NCF4: variants seen among roughly 807,000 people sequenced by gnomAD.
NCF4 encodes neutrophil cytosolic factor 4, also known as neutrophil cytosol factor 4.
NCF4 carries 30 observed loss-of-function variants against 41.7 expected under a neutral mutation model. The ratio of observed to expected loss-of-function variants is 0.72; its 90% CI spans 0.54 to 0.97. The LOEUF (loss-of-function observed/expected upper bound fraction) is 0.97, where lower values mean the gene tolerates loss of function less well. Among genes scored for constraint, NCF4 ranks in the 50% least tolerant of loss-of-function variants. NCF4 has a pLI of 0.00. For missense variants in NCF4, 432 were observed against 460.9 expected, an observed-to-expected ratio of 0.94 and a Z score of 0.57; for synonymous variants, 195 against 175.8, an observed-to-expected ratio of 1.11 and a Z score of -0.87.
At chr22:36,873,816 C>T (rs530276859) in intron 7 of NCF4, among the ~76,000 whole-genome samples, 5 of 151,790 alleles carry the variant, frequency 3.3e-5, no homozygotes, top group Non-Finnish European at 7.4e-5. Flanking sequence ...TAAATTGCAC[C>T]AATCACATGG....
intron 7 of NCF4, 112 bp downstream of exon 7, chr22:36,872,537 G>A: frequency 3.4e-6 from 3 of 886,268 alleles, no homozygotes; most frequent in South Asian, 1.4e-5. Flanking sequence ...ATGAAGGTGA[G>A]GGTGGAGGTG....
chr22:36,867,563 G>T, intron 4 of NCF4, 101 bp downstream of exon 4: 1 of 1,263,552 alleles, frequency 7.9e-7, no homozygotes, highest in Non-Finnish European at 1.1e-6. Flanking sequence ...ACTGGGGCTG[G>T]CTCTCTGGCT....
intron 9 of NCF4, 47 bp downstream of exon 9, chr22:36,876,141 A>T (rs1287201473): frequency 6.6e-7 from 1 of 1,515,994 alleles, no homozygotes; most frequent in East Asian, 2.3e-5. Flanking sequence ...TCTGGAGAAG[A>T]GAGCGCAGGG....
At chr22:36,868,808 A>G (rs899935123) in intron 4 of NCF4, among the ~76,000 whole-genome samples, 5 of 152,150 alleles carry the variant, frequency 3.3e-5, no homozygotes, top group African/African-American at 1.2e-4. Flanking sequence ...TGGAAGCCAG[A>G]GATCATTCAG....
chr22:36,873,523 T>A (rs906719270), intron 7 of NCF4, among the ~76,000 whole-genome samples: 6 of 151,998 alleles, frequency 3.9e-5, no homozygotes, highest in African/African-American at 9.7e-5. Flanking sequence ...GCCCTGGAGA[T>A]CCAGGCAGGT....
rs558358885 is a variant in NCF4, at chr22:36,871,516, A to T, written c.471-136A>T. ...ACAAGTGTGCCCGCCCAGAGGAGCAATTGCAGCCACATTTCAGCATCTTCT... is the reference window on the plus strand; with the variant it reads ...ACAAGTGTGCCCGCCCAGAGGAGCATTTGCAGCCACATTTCAGCATCTTCT... On this transcript the variant is annotated intron_variant, in intron 5 of 9. Coordinates refer to ENST00000248899, the MANE Select transcript of NCF4 (RefSeq NM_000631.5). The T allele has an allele frequency of 5.9e-4, 574 of 971,108 alleles. 4 individuals are homozygous for T. In the South Asian group the frequency reaches 7.5e-3, roughly 13 times the overall value. 60.2% of individuals were successfully genotyped at this position (971,108 alleles called of 1,614,324 possible).
Position 36,865,184 on chromosome 22 carries a change from A to C in NCF4, c.271+112A>C. 1.4e-6 allele frequency: 2 copies of C among 1,472,564 alleles called. No homozygotes were observed. Among genetic ancestry groups the C allele is most frequent in the Non-Finnish European group, 1.8e-6 (2 of 1,082,446 alleles). 91.2% of individuals were successfully genotyped at this position (1,472,564 alleles called of 1,614,324 possible). On this transcript the variant is annotated intron_variant, in intron 3 of 9. Transcript: ENST00000248899. This position sits in a 1 kb window ranked among gnomAD's most constrained non-coding sequence, Gnocchi z 4.3. ...CAACCCCAGTGAAAACTGTTCATGT[A>C]GTTTATAGCCCCCACTCCCGGCAGT... is the stretch of plus-strand genomic sequence containing the variant.
intron 1 of NCF4, among the ~76,000 whole-genome samples, chr22:36,861,997 G>A (rs1939785073): frequency 6.6e-6 from 1 of 152,234 alleles, no homozygotes; most frequent in African/African-American, 2.4e-5. Flanking sequence ...GACTTACTCA[G>A]GGTCACAGAG....
chr22:36,868,570 G>A (rs1440005042), intron 4 of NCF4, among the ~76,000 whole-genome samples: 4 of 152,120 alleles, frequency 2.6e-5, no homozygotes, highest in Non-Finnish European at 4.4e-5. Flanking sequence ...GAAGAGGGAG[G>A]GAGGGGAGCT....
rs1601553731 is a variant in NCF4 at position 36,872,570 on chromosome 22, T to G, written c.627+145T>G. 4.0e-6 allele frequency: 3 copies of G among 744,652 alleles called. No individual in the cohort carries two copies. In the South Asian group the frequency reaches 4.4e-5, roughly 11 times the overall value. 46.1% of individuals were successfully genotyped at this position (744,652 alleles called of 1,614,324 possible). On this transcript the variant is annotated intron_variant, in intron 7 of 9. Transcript: ENST00000248899. Reference sequence around the variant, plus strand: ...GTGAGATTGGAGGTGAGGATGGAGGTAAGAGTGGAGGTGAGGATGGAGGTG... The same window carrying G: ...GTGAGATTGGAGGTGAGGATGGAGGGAAGAGTGGAGGTGAGGATGGAGGTG...
At position 36,877,989 on chromosome 22, in the gene NCF4, T is replaced by C. The variant is rs1486739374; in HGVS notation, c.*166T>C. On this transcript the variant is annotated 3_prime_UTR_variant, in exon 10 of 10. Transcript: ENST00000248899. ...CTCTTTCTACTATTTACATCTGATT[T>C]AAATAAACCATTCCATCTGAAAGGG... is the stretch of plus-strand genomic sequence containing the variant. The C allele has an allele frequency of 4.4e-6, 3 of 686,928 alleles. No individual in the cohort carries two copies. Among genetic ancestry groups the C allele is most frequent in the African/African-American group, 1.8e-5 (1 of 55,318 alleles). The allele number at this position is 686,928 out of a possible 1,614,324, so 42.6% of individuals were successfully genotyped here. A position where few individuals can be genotyped will look rare whatever the true frequency, so the allele number is the denominator to read the frequency against.
intron 3 of NCF4, among the ~76,000 whole-genome samples, chr22:36,867,137 G>GTGTGTT (rs748392297): frequency 2.6e-5 from 4 of 151,656 alleles, no homozygotes; most frequent in African/African-American, 7.3e-5. Context: ...GTGTGTGTGT[G>GTGTGTT]TGTGTGCGCT....
rs112273458 is a variant in NCF4, at chr22:36,869,440, C to A, written c.343-975C>A. Among the ~76,000 whole-genome samples, 9 of 152,318 alleles carry A rather than the reference C, an allele frequency of 5.9e-5. No individual in the cohort carries two copies. The South Asian group carries it at 8.3e-4, about 14-fold the overall frequency. The stretch of plus-strand genomic sequence containing the variant: ...CAGAGCTGGGATTCGATCCCAGGAG[C>A]CCCTGGCTCCTTAAACACCTCCCAG... On this transcript the variant is annotated intron_variant, in intron 4 of 9. Coordinates refer to ENST00000248899, the MANE Select transcript of NCF4 (RefSeq NM_000631.5).
chr22:36,864,740 G>T (rs1939881645), intron 2 of NCF4, among the ~76,000 whole-genome samples, 179 bp from the exon 3 acceptor site: 1 of 149,294 alleles, frequency 6.7e-6, no homozygotes, highest in Admixed American at 6.7e-5. Flanking sequence ...TTTTCGCAAA[G>T]CTCGTCTGCT....
chr22:36,873,272 G>A (rs1406723387), intron 7 of NCF4, among the ~76,000 whole-genome samples: 1 of 151,388 alleles, frequency 6.6e-6, no homozygotes, highest in Non-Finnish European at 1.5e-5. Flanking sequence ...GGTGAGGATG[G>A]GGGTGAGTTT....
At chr22:36,875,310 G>A (rs1325550816) in intron 7 of NCF4, among the ~76,000 whole-genome samples, 2 of 152,206 alleles carry the variant, frequency 1.3e-5, no homozygotes, top group Admixed American at 1.3e-4. Flanking sequence ...GATTACAGGT[G>A]TGAGCTACTG....
intron 3 of NCF4, among the ~76,000 whole-genome samples, chr22:36,866,834 T>C (rs1939938448): frequency 6.6e-6 from 1 of 152,190 alleles, no homozygotes; most frequent in Admixed American, 6.5e-5. Context: ...TTCATCCACT[T>C]AACAAATGCT....
chr22:36,867,729 G>A (rs972838940), intron 4 of NCF4, among the ~76,000 whole-genome samples: 1 of 152,200 alleles, frequency 6.6e-6, no homozygotes, highest in Non-Finnish European at 1.5e-5. Context: ...AGCCCCACAG[G>A]TGAATGTCTA....
intron 5 of NCF4, among the ~76,000 whole-genome samples, chr22:36,871,274 C>A (rs959969504): frequency 1.3e-5 from 2 of 152,242 alleles, no homozygotes; most frequent in African/African-American, 2.4e-5. Flanking sequence ...ACCTCTCCAA[C>A]CTTCAGTTTC....
Sources: allele counts gnomAD v4.1 joint callset (sites outside exome capture counted in the v4.1 genomes callset), GRCh38; gene constraint gnomAD v4.1.1; non-coding constraint Gnocchi (gnomAD v3.1); transcripts MANE v1.5; gene names NCBI Gene and HGNC (gene_info 2026-07-23, HGNC 2026-07-21).